Variants in IFT56 observed in about 807,000 individuals in gnomAD.
IFT56 encodes intraflagellar transport 56.
At chr7:139,137,772 C>A in the IFT56 span, 1 of 1,247,908 alleles carries the variant, frequency 8.0e-7, no homozygotes, top group Non-Finnish European at 1.2e-6. Context: ...AGTAACCCAA[C>A]GTAGCATTTT....
At chr7:139,150,025 T>C in the IFT56 span, among the ~76,000 whole-genome samples, 1 of 152,204 alleles carries the variant, frequency 6.6e-6, no homozygotes, top group Non-Finnish European at 1.5e-5. Flanking sequence ...ATTACTTTAG[T>C]TGATGTCAGA....
chr7:139,148,329 T>C, the IFT56 span: 1 of 1,613,892 alleles, frequency 6.2e-7, no homozygotes, highest in Non-Finnish European at 8.5e-7. Context: ...TCGCACTCAA[T>C]CTTAAAGCCT....
At chr7:139,191,510 T>G in the IFT56 span, 1 of 152,244 alleles carries the variant, frequency 6.6e-6, no homozygotes, top group Non-Finnish European at 1.5e-5. Flanking sequence ...TTTCCATTGA[T>G]GGAGACTTAC....
chr7:139,175,456 G>T, the IFT56 span, among the ~76,000 whole-genome samples: 33 of 152,096 alleles, frequency 2.2e-4, no homozygotes, highest in African/African-American at 7.0e-4. Context: ...AAATAGCGAA[G>T]AATTGGAAGC....
chr7:139,153,055 A>G, the IFT56 span, among the ~76,000 whole-genome samples: 4 of 151,808 alleles, frequency 2.6e-5, no homozygotes, highest in African/African-American at 9.7e-5. Context: ...AGGCTGAGGC[A>G]GGAGAATCGC....
the IFT56 span, chr7:139,166,916 T>C: frequency 1.3e-6 from 2 of 1,516,046 alleles, no homozygotes; most frequent in Non-Finnish European, 1.8e-6. Context: ...ATGTTTTATA[T>C]TTTTACTAAC....
the IFT56 span, chr7:139,191,860 T>G: frequency 2.0e-5 from 3 of 152,246 alleles, no homozygotes; most frequent in African/African-American, 7.2e-5. Flanking sequence ...ATCAGTGTAC[T>G]ATTTATAGTC....
the IFT56 span, among the ~76,000 whole-genome samples, chr7:139,149,304 CAAAA>C: frequency 9.0e-6 from 1 of 110,892 alleles, no homozygotes. Context: ...GACTCCATCT[CAAAA>C]AAAAAAAAAA....
the IFT56 span, among the ~76,000 whole-genome samples, chr7:139,160,234 C>A: frequency 6.6e-6 from 1 of 152,032 alleles, no homozygotes; most frequent in Non-Finnish European, 1.5e-5. Context: ...GCTTAGCAAC[C>A]CACTAATAGA....
chr7:139,165,020 C>A, the IFT56 span: 1 of 673,902 alleles, frequency 1.5e-6, no homozygotes. Context: ...ATTCCCAGAG[C>A]TATTTTAGTT....
the IFT56 span, among the ~76,000 whole-genome samples, chr7:139,177,299 A>G: frequency 6.6e-6 from 1 of 151,358 alleles, no homozygotes; most frequent in Non-Finnish European, 1.5e-5. Flanking sequence ...TCCTTACCCA[A>G]CTTTTTGCCT....
chr7:139,188,793 C>G, the IFT56 span, among the ~76,000 whole-genome samples: 1 of 152,212 alleles, frequency 6.6e-6, no homozygotes, highest in African/African-American at 2.4e-5. Flanking sequence ...ATGTCCATCT[C>G]TTCCATTTTA....
chr7:139,160,433 C>T, the IFT56 span, among the ~76,000 whole-genome samples: 1 of 138,454 alleles, frequency 7.2e-6, no homozygotes. Flanking sequence ...AGTCACTTAA[C>T]TTTTTTTTTT....
At chr7:139,166,823 A>G in the IFT56 span, 5 of 1,505,282 alleles carry the variant, frequency 3.3e-6, no homozygotes, top group Non-Finnish European at 4.6e-6. Flanking sequence ...TAGTATAATT[A>G]CTTTGTTGTA....
the IFT56 span, among the ~76,000 whole-genome samples, chr7:139,171,245 G>A: frequency 1.4e-4 from 22 of 152,130 alleles, no homozygotes; most frequent in Non-Finnish European, 1.9e-4. Flanking sequence ...GAGAATCAAT[G>A]TTGTTAAAAT....
the IFT56 span, among the ~76,000 whole-genome samples, chr7:139,175,738 C>T: frequency 6.6e-6 from 1 of 151,364 alleles, no homozygotes; most frequent in African/African-American, 2.4e-5. Flanking sequence ...GTTAGCAGAG[C>T]CTGGGAAGGG....
chr7:139,158,728 A>G, the IFT56 span, among the ~76,000 whole-genome samples: 1 of 152,132 alleles, frequency 6.6e-6, no homozygotes, highest in Non-Finnish European at 1.5e-5. Flanking sequence ...AGCCCGGACA[A>G]CACAGTGAAA....
At chr7:139,170,675 A>C in the IFT56 span, among the ~76,000 whole-genome samples, 8 of 152,138 alleles carry the variant, frequency 5.3e-5, no homozygotes, top group African/African-American at 1.7e-4. Flanking sequence ...AAATCCCCCC[A>C]AAAACTGAGT....
chr7:139,142,436 ATAACTGT>A, the IFT56 span: 1 of 771,694 alleles, frequency 1.3e-6, no homozygotes, highest in Non-Finnish European at 2.1e-6. Flanking sequence ...CAAGTGGAAT[ATAACTGT>A]TAATTGTATA....
Sources: gnomAD v4.1 joint callset for allele counts (sites outside exome capture counted in the v4.1 genomes callset) on GRCh38, gnomAD v4.1.1 for gene constraint, MANE v1.5 for transcripts, NCBI Gene and HGNC (gene_info 2026-07-23, HGNC 2026-07-21) for gene names.